DLGAP2: variants seen among roughly 807,000 people sequenced by gnomAD.
The protein encoded by DLGAP2 is disks large-associated protein 2.
Under a neutral mutation model 100.3 loss-of-function variants are expected in DLGAP2, and 26 were observed. The ratio of observed to expected loss-of-function variants is 0.26; its 90% CI spans 0.19 to 0.36. The LOEUF (loss-of-function observed/expected upper bound fraction) is 0.36, where lower values mean the gene tolerates loss of function less well. DLGAP2 is among the 10% of genes least tolerant of loss of function. The pLI is 1.00. For missense variants in DLGAP2, 1,858 were observed against 1,453.2 expected, an observed-to-expected ratio of 1.28 and a Z score of -4.53; for synonymous variants, 886 against 630.1, an observed-to-expected ratio of 1.41 and a Z score of -6.08.
rs117579837 is a variant in DLGAP2, at chr8:795,329, G to T, written c.18+57504G>T. On this transcript the variant is annotated intron_variant, in intron 1 of 14. Transcript: ENST00000637795. ...ATCAGTGCTGAACTCAGAGCTGACA[G>T]CCCATGGCTCGAGCTTGGGCGAAGC... Among the ~76,000 whole-genome samples the T allele has an allele frequency of 5.4e-3, 817 of 152,266 alleles. 1 individual carries two copies. The highest frequency in any genetic ancestry group is 7.3e-3 in the Non-Finnish European group (497 of 68,026).
At chr8:1,142,973 C>G (rs1272819765) in intron 2 of DLGAP2, among the ~76,000 whole-genome samples, 2 of 152,158 alleles carry the variant, frequency 1.3e-5, no homozygotes, top group Admixed American at 1.3e-4. Flanking sequence ...CCAGGGAGAA[C>G]TACACAGGAT....
intron 2 of DLGAP2, among the ~76,000 whole-genome samples, chr8:1,057,658 A>C (rs1271448735): frequency 6.6e-6 from 1 of 152,242 alleles, no homozygotes; most frequent in Non-Finnish European, 1.5e-5. Flanking sequence ...CAAACAAGAA[A>C]ACCTCCGGTG....
At chr8:1,674,315 G>T (rs922622187) in intron 10 of DLGAP2, among the ~76,000 whole-genome samples, 2 of 152,192 alleles carry the variant, frequency 1.3e-5, no homozygotes, top group Non-Finnish European at 2.9e-5. Context: ...AAAGTGCTGG[G>T]ATTACAGGCA....
intron 3 of DLGAP2, among the ~76,000 whole-genome samples, chr8:1,284,886 C>G (rs756754041): frequency 6.6e-6 from 1 of 152,218 alleles, no homozygotes; most frequent in African/African-American, 2.4e-5. Flanking sequence ...GCCAGAGCTT[C>G]TTTTCTCCTC....
At chr8:1,271,446 T>C (rs1049925508) in intron 3 of DLGAP2, among the ~76,000 whole-genome samples, 1 of 152,212 alleles carries the variant, frequency 6.6e-6, no homozygotes. Flanking sequence ...TGTGCATTTG[T>C]TGATTATTCA....
chr8:1,332,469 A>G (rs563132531), intron 3 of DLGAP2, among the ~76,000 whole-genome samples: 1 of 151,954 alleles, frequency 6.6e-6, no homozygotes, highest in Admixed American at 6.5e-5. Flanking sequence ...GAGTATATGC[A>G]TGTGTGTGTG....
At chr8:1,186,838 T>C (rs1197334179) in intron 2 of DLGAP2, among the ~76,000 whole-genome samples, 3 of 152,200 alleles carry the variant, frequency 2.0e-5, no homozygotes, top group Admixed American at 6.5e-5. Flanking sequence ...TTTTGTCTTC[T>C]TCCTGCTCTT....
At chr8:1,605,102 T>G (rs1404677600) in intron 6 of DLGAP2, among the ~76,000 whole-genome samples, 1 of 152,058 alleles carries the variant, frequency 6.6e-6, no homozygotes, top group Non-Finnish European at 1.5e-5. Context: ...CATCGGCCCC[T>G]GAGGATGCAG....
intron 6 of DLGAP2, among the ~76,000 whole-genome samples, chr8:1,569,969 T>C (rs920859620): frequency 6.6e-6 from 1 of 151,952 alleles, no homozygotes; most frequent in Non-Finnish European, 1.5e-5. Context: ...TGGAGGGCAG[T>C]GGCGGAGGCC....
chr8:1,156,117 G>A (rs1307594831), intron 2 of DLGAP2, among the ~76,000 whole-genome samples: 1 of 152,160 alleles, frequency 6.6e-6, no homozygotes, highest in African/African-American at 2.4e-5. Context: ...TTCAGGGGCC[G>A]CAGGTGCAGG....
chr8:1,667,541 A>G (rs979062981), intron 8 of DLGAP2, among the ~76,000 whole-genome samples: 2 of 152,166 alleles, frequency 1.3e-5, no homozygotes, highest in Non-Finnish European at 2.9e-5. Flanking sequence ...AGTTTCTGCT[A>G]TTATATATTT....
At chr8:1,105,892 G>C (rs1478390616) in intron 2 of DLGAP2, among the ~76,000 whole-genome samples, 2 of 146,492 alleles carry the variant, frequency 1.4e-5, no homozygotes, top group Non-Finnish European at 3.0e-5. Flanking sequence ...TTGAAGGGGG[G>C]CCATTCTAGG....
intron 3 of DLGAP2, among the ~76,000 whole-genome samples, chr8:1,436,639 T>C (rs961515650): frequency 2.0e-5 from 3 of 152,108 alleles, no homozygotes; most frequent in East Asian, 1.9e-4. Flanking sequence ...TTTTTGAAAA[T>C]TGAATGTAGC....
chr8:1,469,400 T>A (rs757666362), intron 3 of DLGAP2, among the ~76,000 whole-genome samples: 2 of 152,184 alleles, frequency 1.3e-5, no homozygotes, highest in Non-Finnish European at 2.9e-5. Context: ...GGCCACCATC[T>A]CCTCAGGAGA....
intron 3 of DLGAP2, among the ~76,000 whole-genome samples, chr8:1,341,075 C>T (rs1168856927): frequency 6.6e-6 from 1 of 151,856 alleles, no homozygotes; most frequent in Non-Finnish European, 1.5e-5. Context: ...CACACTGGGA[C>T]CTGTGGGAGG....
At chr8:1,346,891 T>TCC in intron 3 of DLGAP2, among the ~76,000 whole-genome samples, 1 of 151,710 alleles carries the variant, frequency 6.6e-6, no homozygotes. Context: ...TGCGTTGCAC[T>TCC]CACGGTAGCT....
chr8:1,331,016 C>T (rs552521873), intron 3 of DLGAP2, among the ~76,000 whole-genome samples: 1 of 144,774 alleles, frequency 6.9e-6, no homozygotes, highest in Non-Finnish European at 1.5e-5. Flanking sequence ...GGACTGAGTT[C>T]TGGGTGGGAG....
At chr8:1,415,643 C>T (rs1321651476) in intron 3 of DLGAP2, among the ~76,000 whole-genome samples, 1 of 152,190 alleles carries the variant, frequency 6.6e-6, no homozygotes, top group East Asian at 1.9e-4. Context: ...GACGTGATTC[C>T]ATTCTCTCTT....
chr8:827,356 G>A (rs1475926324), intron 1 of DLGAP2, among the ~76,000 whole-genome samples: 1 of 152,206 alleles, frequency 6.6e-6, no homozygotes, highest in Non-Finnish European at 1.5e-5. Flanking sequence ...AATGGTAGCA[G>A]ACTTGCATGC....
Sources: gnomAD v4.1 joint callset for allele counts (sites outside exome capture counted in the v4.1 genomes callset) on GRCh38, gnomAD v4.1.1 for gene constraint, MANE v1.5 for transcripts, NCBI Gene and HGNC (gene_info 2026-07-23, HGNC 2026-07-21) for gene names.